ADAM2: variants seen among roughly 807,000 people sequenced by gnomAD.
ADAM2 encodes disintegrin and metalloproteinase domain-containing protein 2.
ADAM2 carries 101 observed loss-of-function variants against 99.3 expected under a neutral mutation model. The observed-to-expected ratio is 1.02, with a 90% CI of 0.87 to 1.20. The LOEUF (loss-of-function observed/expected upper bound fraction) is 1.20. Among genes scored for constraint, ADAM2 ranks in the 50% most tolerant of loss-of-function variants. The pLI is 0.00. For synonymous variants in ADAM2, 323 were observed against 287.6 expected (o/e 1.12, Z -1.25); for missense variants, 948 against 878.7 (o/e 1.08, Z -1.00).
At position 39,814,740 on chromosome 8, in the gene ADAM2, C is replaced by T. The variant is rs573221747; in HGVS notation, c.514-5274G>A. On this transcript the variant is annotated intron_variant, in intron 6 of 20. Coordinates refer to ENST00000265708, the MANE Select transcript of ADAM2 (RefSeq NM_001464.5). ...GTGTGTGTTTCAATCGAACAACCAA[C>T]ATGTCCTGTATTGAATTATCAACTC... Among the ~76,000 whole-genome samples, 7 of 151,790 alleles carry T rather than the reference C, an allele frequency of 4.6e-5. No homozygotes were observed. In the South Asian group the frequency reaches 8.3e-4, roughly 18 times the overall value.
At chr8:39,776,976 A>T in intron 11 of ADAM2, 49 bp downstream of exon 11, 1 of 1,166,120 alleles carries the variant, frequency 8.6e-7, no homozygotes, top group Non-Finnish European at 1.2e-6. Context: ...TAAATACATT[A>T]AAATTACATT....
chr8:39,790,564 G>A (rs1054650428), intron 7 of ADAM2, among the ~76,000 whole-genome samples: 4 of 151,934 alleles, frequency 2.6e-5, no homozygotes, highest in African/African-American at 4.8e-5. Context: ...GCTAATGGAT[G>A]CAAAGTCTTT....
intron 10 of ADAM2, among the ~76,000 whole-genome samples, chr8:39,780,118 A>G (rs961591406): frequency 1.1e-4 from 16 of 152,152 alleles, no homozygotes; most frequent in African/African-American, 3.6e-4. Flanking sequence ...AAGAGGAAGG[A>G]AGAGCAAAGG....
chr8:39,773,086 A>G (rs1278103929), intron 11 of ADAM2, among the ~76,000 whole-genome samples: 1 of 151,946 alleles, frequency 6.6e-6, no homozygotes, highest in Non-Finnish European at 1.5e-5. Context: ...ATAGACATCT[A>G]GAAAGTATAT....
At chr8:39,789,029 G>C (rs1803591962) in intron 7 of ADAM2, among the ~76,000 whole-genome samples, 1 of 151,308 alleles carries the variant, frequency 6.6e-6, no homozygotes, top group Non-Finnish European at 1.5e-5. Context: ...ATTATTAAAA[G>C]AAAAGTTTAG....
At chr8:39,762,145 A>C (rs540357645) in intron 14 of ADAM2, among the ~76,000 whole-genome samples, 3 of 152,320 alleles carry the variant, frequency 2.0e-5, no homozygotes, top group East Asian at 3.9e-4. Context: ...CATAACCTCC[A>C]ACTGCTCTAC....
intron 7 of ADAM2, among the ~76,000 whole-genome samples, chr8:39,794,584 C>A (rs934544391): frequency 3.0e-4 from 45 of 152,128 alleles, no homozygotes; most frequent in Non-Finnish European, 3.2e-4. Flanking sequence ...GACCCCTGAC[C>A]TAACTGGTTA....
At chr8:39,749,837 A>G (rs1433785468) in intron 16 of ADAM2, 93 bp from the exon 17 acceptor site, 4 of 876,582 alleles carry the variant, frequency 4.6e-6, no homozygotes, top group East Asian at 2.6e-5. Flanking sequence ...ATTACCATGG[A>G]CTAATAAAAA....
chr8:39,807,539 T>A (rs1563370993), intron 7 of ADAM2, among the ~76,000 whole-genome samples: 1 of 152,154 alleles, frequency 6.6e-6, no homozygotes, highest in Non-Finnish European at 1.5e-5. Flanking sequence ...GGAAATGGTA[T>A]CTTTGGGATA....
At position 39,766,959 on chromosome 8, in the gene ADAM2, G is replaced by A; in HGVS notation, c.1396C>T (p.Pro466Ser). Residue 466 changes from proline (P) to serine (S), a missense_variant, in exon 14 of 21, where the codon CCA (proline) becomes TCA (serine). Transcript: ENST00000265708. The part of the protein sequence containing the change: ...EYCNGSSASC[P>S]ENHYVQTGHP... The stretch of plus-strand genomic sequence containing the variant: ...CCAGTCTGAACATAGTGGTTTTCTG[G>A]GCATGATGCAGATGATCCATTGCAA... 2 of 1,614,026 alleles carry A rather than the reference G, an allele frequency of 1.2e-6. No individual in the cohort carries two copies. Among genetic ancestry groups the A allele is most frequent in the South Asian group, 2.2e-5 (2 of 91,080 alleles).
chr8:39,786,528 A>G (rs1315017439), intron 10 of ADAM2, among the ~76,000 whole-genome samples: 1 of 152,184 alleles, frequency 6.6e-6, no homozygotes, highest in African/African-American at 2.4e-5. Flanking sequence ...ATTAATGTCA[A>G]TTAGGACATT....
intron 7 of ADAM2, 96 bp from the exon 8 acceptor site, chr8:39,788,836 A>G (rs1803583855): frequency 1.7e-6 from 1 of 581,794 alleles, no homozygotes; most frequent in Non-Finnish European, 2.7e-6. Context: ...GTGAAGTAAT[A>G]AATTATTTAA....
chr8:39,758,524 T>C (rs1018100823), intron 15 of ADAM2, among the ~76,000 whole-genome samples: 5 of 151,574 alleles, frequency 3.3e-5, no homozygotes, highest in Admixed American at 3.3e-4. Flanking sequence ...CTGAAATTGT[T>C]TCCAAATAAA....
intron 3 of ADAM2, among the ~76,000 whole-genome samples, chr8:39,826,443 G>A (rs1213797390): frequency 1.3e-5 from 2 of 152,232 alleles, no homozygotes; most frequent in African/African-American, 2.4e-5. Context: ...AGCACTCAAG[G>A]CCAGGAGCAG....
At position 39,788,703 on chromosome 8, in the gene ADAM2, T is replaced by G; in HGVS notation, c.608A>C (p.Gln203Pro). Residue 203 changes from glutamine to proline, a missense_variant, in exon 8 of 21, where the codon CAA becomes CCA. Gln to Pro is a moderately conservative substitution (Grantham distance 76). Transcript: ENST00000265708. ...CAATCCAATCAACTGGAAAACTTTT[T>G]GAGCGACAACAGTTGTATCAGACCC... is the stretch of plus-strand genomic sequence containing the variant. ...HMGSDTTVVA[Q>P]KVFQLIGLTN... 1 of 1,582,914 alleles carries G rather than the reference T, an allele frequency of 6.3e-7. No homozygotes were observed. Among genetic ancestry groups the G allele is most frequent in the Non-Finnish European group, 8.6e-7 (1 of 1,162,336 alleles).
At chr8:39,802,755 C>A (rs1804272707) in intron 7 of ADAM2, among the ~76,000 whole-genome samples, 1 of 151,872 alleles carries the variant, frequency 6.6e-6, no homozygotes, top group Non-Finnish European at 1.5e-5. Flanking sequence ...TAACTGCAAA[C>A]CAGAAAAAAA....
chr8:39,821,010 T>C lies in ADAM2; in HGVS notation c.505A>G (p.Ser169Gly). 1 of 1,590,598 alleles carries C rather than the reference T, an allele frequency of 6.3e-7. No homozygotes were observed. Among genetic ancestry groups the C allele is most frequent in the Non-Finnish European group, 8.6e-7 (1 of 1,165,640 alleles). ...TTCAATTAATCACCTACCTCTACGC[T>C]TTGTAATTTAAAGGACAGATCTCTT... is the stretch of plus-strand genomic sequence containing the variant. Reference protein sequence around the residue: ...ESRDLSFKLQSVEPQQDFAKY... With the variant: ...ESRDLSFKLQGVEPQQDFAKY... Residue 169 changes from serine (S) to glycine (G), a missense_variant, in exon 6 of 21, where the codon AGC (serine) becomes GGC (glycine). Physicochemically the swap from Ser to Gly is moderately conservative, Grantham distance 56. Transcript: ENST00000265708.
intron 7 of ADAM2, among the ~76,000 whole-genome samples, chr8:39,789,558 C>T (rs1803616836): frequency 6.6e-6 from 1 of 151,720 alleles, no homozygotes; most frequent in Non-Finnish European, 1.5e-5. Context: ...CTATAAACTA[C>T]AGTAACCAAG....
At chr8:39,749,213 A>G in intron 18 of ADAM2, 99 bp downstream of exon 18, 2 of 1,071,440 alleles carry the variant, frequency 1.9e-6, no homozygotes, top group Non-Finnish European at 1.3e-6. Flanking sequence ...GTCTAAACAT[A>G]GTCTAGATAT....
Sources: gnomAD v4.1 joint callset for allele counts (sites outside exome capture counted in the v4.1 genomes callset) on GRCh38, gnomAD v4.1.1 for gene constraint, MANE v1.5 for transcripts, NCBI Gene and HGNC (gene_info 2026-07-23, HGNC 2026-07-21) for gene names.